Variants in RAF1 observed in about 807,000 individuals in gnomAD.
RAF1 encodes Raf-1 proto-oncogene, serine/threonine kinase.
Under a neutral mutation model 81.1 loss-of-function variants are expected in RAF1, and 27 were observed. That is an observed-to-expected ratio of 0.33 (90% CI 0.25 to 0.46). RAF1 has a LOEUF of 0.46. Ranked by LOEUF, RAF1 falls within the 20% of genes least tolerant of loss-of-function variation. The probability of loss-of-function intolerance (pLI) is 1.00; values close to 1 mark genes in which losing one functional copy is unlikely to be tolerated. For missense variants in RAF1, 598 were observed against 826.0 expected (o/e 0.72, Z 3.38); for synonymous variants, 298 against 294.0 (o/e 1.01, Z -0.14).
At position 12,585,214 on chromosome 3, in the gene RAF1, T is replaced by C. The variant is rs2125322653; in HGVS notation, c.1636A>G (p.Ser546Gly). The change falls in exon 16 of 18, where the codon AGT becomes GGT. Residue 546 changes from serine (S) to glycine (G), a missense_variant. Transcript: ENST00000442415. ...TAGGAGTAGACATCCGACTGGAAAC[T>C]GAATGGGTTGTTATCCTGCATTCGG... 6.2e-7 allele frequency: 1 copy of C among 1,614,152 alleles called. No individual in the cohort carries two copies. The highest frequency in any genetic ancestry group is 8.5e-7 in the Non-Finnish European group (1 of 1,180,028).
chr3:12,607,193 G>A (rs975558452), intron 5 of RAF1, among the ~76,000 whole-genome samples: 3 of 152,146 alleles, frequency 2.0e-5, no homozygotes, highest in African/African-American at 7.2e-5. Context: ...TTTCCATGAG[G>A]TGGGCACTTG....
intron 1 of RAF1, among the ~76,000 whole-genome samples, chr3:12,628,776 T>C (rs1236343218): frequency 1.5e-5 from 2 of 136,836 alleles, no homozygotes; most frequent in Admixed American, 1.5e-4. Flanking sequence ...GCGGGGCACA[T>C]GGTCTCACTC....
intron 1 of RAF1, among the ~76,000 whole-genome samples, chr3:12,650,498 C>T (rs556193172): frequency 6.6e-6 from 1 of 152,128 alleles, no homozygotes; most frequent in African/African-American, 2.4e-5. Context: ...TTTTCCTAAC[C>T]CTTTTTCATG....
chr3:12,629,314 A>AT (rs1320824913), intron 1 of RAF1, among the ~76,000 whole-genome samples: 1 of 152,190 alleles, frequency 6.6e-6, no homozygotes, highest in African/African-American at 2.4e-5. Context: ...AACAAAAACA[A>AT]TAAGTGTTTG....
intron 13 of RAF1, chr3:12,589,272 G>A (rs953873007): frequency 6.6e-6 from 1 of 152,164 alleles, no homozygotes; most frequent in Non-Finnish European, 1.5e-5. Flanking sequence ...CTCAATACCA[G>A]AAAAACACTG....
rs375940020 is a variant in RAF1 at position 12,658,655 on chromosome 3, C to T, written c.-27+5158G>A. 7.2e-5 allele frequency among the ~76,000 whole-genome samples: 11 copies of T among 152,242 alleles called. 1 individual carries two copies. The East Asian group carries it at 1.7e-3, about 24-fold the overall frequency. On this transcript the variant is annotated intron_variant, in intron 1 of 17. Transcript: ENST00000442415. ...AATTGACTGCCACTGCCTGCTGCTT[C>T]CCATTTATTAACAAAAAATGTAAAC...
At chr3:12,635,777 T>G (rs927857878) in intron 1 of RAF1, among the ~76,000 whole-genome samples, 19 of 148,108 alleles carry the variant, frequency 1.3e-4, no homozygotes, top group South Asian at 2.2e-4. Context: ...ATTGAGACCA[T>G]CCTGGCTAAC....
At chr3:12,592,944 T>C (rs993406599) in intron 11 of RAF1, among the ~76,000 whole-genome samples, 10 of 151,676 alleles carry the variant, frequency 6.6e-5, no homozygotes, top group African/African-American at 2.2e-4. Flanking sequence ...TTTCACCATG[T>C]TAGCCAGGAT....
intron 1 of RAF1, among the ~76,000 whole-genome samples, chr3:12,635,318 CAAAAAAAAAAAAAAAAAAAAA>C (rs71063852): frequency 5.8e-4 from 16 of 27,598 alleles, no homozygotes; most frequent in African/African-American, 1.8e-3. Context: ...GACCCTGTCT[CAAAAAAAAAAAAAAAAAAAAA>C]AAAAAAAAAA....
rs2125319153 is a variant in RAF1 at position 12,584,838 on chromosome 3, G to A, written c.1863+9C>T. The stretch of plus-strand genomic sequence containing the variant: ...GCTTTAATCACATTCTAGCAGCCCT[G>A]AGCCTTACCTGGGGAAAAAGAGGCC... On this transcript the variant is annotated intron_variant, in intron 17 of 17. Coordinates refer to ENST00000442415, the MANE Select transcript of RAF1 (RefSeq NM_001354689.3). The A allele has an allele frequency of 4.3e-6, 7 of 1,613,986 alleles. No individual in the cohort carries two copies. Among genetic ancestry groups the A allele is most frequent in the Non-Finnish European group, 5.9e-6 (7 of 1,179,932 alleles).
intron 1 of RAF1, among the ~76,000 whole-genome samples, chr3:12,641,540 A>G (rs2060187226): frequency 6.9e-6 from 1 of 144,180 alleles, no homozygotes; most frequent in African/African-American, 2.6e-5. Context: ...CACCCAGGCT[A>G]AAGTGTAGTG....
rs529942354 is a variant in RAF1 at position 12,645,557 on chromosome 3, TTTTG to T, written c.-27+18252_-27+18255del. ...ATGATGTTACTATTACCTTTAAAAT[TTTTG>T]TTTGTTTTTCACAGTTGATCTGTAC... On this transcript the variant is annotated intron_variant, in intron 1 of 17. Transcript: ENST00000442415. Among the ~76,000 whole-genome samples the T allele has an allele frequency of 1.7e-4, 26 of 152,296 alleles. No homozygotes were observed. In the East Asian group the frequency reaches 4.8e-3, roughly 28 times the overall value.
intron 1 of RAF1, among the ~76,000 whole-genome samples, chr3:12,644,826 G>A (rs901320590): frequency 2.0e-5 from 3 of 152,160 alleles, no homozygotes; most frequent in South Asian, 4.1e-4. Flanking sequence ...GCGGCCAGGC[G>A]TGGTGGCTCA....
chr3:12,623,452 A>T (rs1455791407), intron 1 of RAF1, among the ~76,000 whole-genome samples: 1 of 152,218 alleles, frequency 6.6e-6, no homozygotes, highest in Non-Finnish European at 1.5e-5. Context: ...ATTATTTGTC[A>T]TTCATAGTAT....
chr3:12,651,674 G>A (rs2060531887), intron 1 of RAF1, among the ~76,000 whole-genome samples: 1 of 146,536 alleles, frequency 6.8e-6, no homozygotes, highest in South Asian at 2.2e-4. Flanking sequence ...AAAGATACAC[G>A]AATTGATCAC....
At chr3:12,633,786 T>C (rs2059933429) in intron 1 of RAF1, among the ~76,000 whole-genome samples, 5 of 151,248 alleles carry the variant, frequency 3.3e-5, no homozygotes, top group Admixed American at 3.3e-4. Context: ...AATACAAAAA[T>C]TAGCTGGGTG....
intron 2 of RAF1, among the ~76,000 whole-genome samples, chr3:12,614,480 T>C (rs1453295740): frequency 1.3e-5 from 2 of 152,106 alleles, no homozygotes; most frequent in East Asian, 3.9e-4. Context: ...TCATCTAGGC[T>C]GGAATACAAT....
chr3:12,647,855 T>G (rs1208119940), intron 1 of RAF1, among the ~76,000 whole-genome samples: 2 of 152,070 alleles, frequency 1.3e-5, no homozygotes, highest in African/African-American at 4.8e-5. Flanking sequence ...TAAACACACA[T>G]GAAGAAATAA....
At chr3:12,619,006 G>A (rs1363316933) in intron 1 of RAF1, among the ~76,000 whole-genome samples, 2 of 152,200 alleles carry the variant, frequency 1.3e-5, no homozygotes, top group Non-Finnish European at 2.9e-5. Context: ...AGCACTTTGG[G>A]AGGCCGAGGT....
Sources: allele counts gnomAD v4.1 joint callset (sites outside exome capture counted in the v4.1 genomes callset), GRCh38; gene constraint gnomAD v4.1.1; transcripts MANE v1.5; gene names NCBI Gene and HGNC (gene_info 2026-07-23, HGNC 2026-07-21).